UBOX5: variants seen among roughly 807,000 people sequenced by gnomAD.
UBOX5 encodes RING finger protein 37.
In UBOX5, 28 loss-of-function variants were observed where a neutral mutation model predicts 39.0. The observed-to-expected ratio is 0.72, with a 90% CI of 0.53 to 0.98. The LOEUF is 0.98. Ranked by LOEUF, UBOX5 falls within the 50% of genes least tolerant of loss-of-function variation. The pLI is 0.00. For synonymous variants in UBOX5, 283 were observed against 275.5 expected (o/e 1.03, Z -0.27); for missense variants, 585 against 674.4 (o/e 0.87, Z 1.47).
intron 1 of UBOX5, among the ~76,000 whole-genome samples, chr20:3,157,686 G>T (rs1366716109): frequency 2.0e-5 from 3 of 152,128 alleles, no homozygotes; most frequent in African/African-American, 7.2e-5. Flanking sequence ...ATCTAAATGG[G>T]GCTTCTAGAG....
chr20:3,146,933 T>C lies in UBOX5; in HGVS notation c.-42+12833A>G, dbSNP rs73573808. On this transcript the variant is annotated intron_variant, in intron 1 of 4. Transcript: ENST00000217173. ...CTTCATATTGTGCAGTCCAAGGAGA[T>C]CCCTGGAGCCATAGCAATACTGGTT... The C allele has an allele frequency of 9.3e-3, 14,997 of 1,614,092 alleles. 908 individuals carry two copies. The African/African-American group carries it at 0.15, about 16-fold the overall frequency.
At chr20:3,133,719 T>A (rs989412306) in intron 1 of UBOX5, among the ~76,000 whole-genome samples, 1 of 150,752 alleles carries the variant, frequency 6.6e-6, no homozygotes, top group African/African-American at 2.4e-5. Context: ...TCTCTCTTTT[T>A]GCCAAGGGGT....
intron 1 of UBOX5, among the ~76,000 whole-genome samples, chr20:3,155,194 G>C (rs1424192741): frequency 1.3e-5 from 2 of 152,086 alleles, no homozygotes; most frequent in African/African-American, 4.8e-5. Context: ...AGGAGTTCTA[G>C]ACCAGCCTGG....
intron 1 of UBOX5, chr20:3,147,072 C>A: frequency 6.2e-7 from 1 of 1,614,166 alleles, no homozygotes; most frequent in South Asian, 1.1e-5. Context: ...CAAAGGAAGC[C>A]CCCCAGAGGT....
At chr20:3,145,440 CCTTTTT>C (rs1346627650) in intron 1 of UBOX5, among the ~76,000 whole-genome samples, 2 of 142,378 alleles carry the variant, frequency 1.4e-5, no homozygotes, top group Non-Finnish European at 3.0e-5. Context: ...GCCTTTTTTT[CCTTTTT>C]TTTTTTTTTT....
chr20:3,133,760 G>GC (rs966576251), intron 1 of UBOX5, among the ~76,000 whole-genome samples: 1 of 150,566 alleles, frequency 6.6e-6, no homozygotes, highest in Non-Finnish European at 1.5e-5. Flanking sequence ...TTTTTTTGGG[G>GC]GGGGGAAACA....
intron 1 of UBOX5, among the ~76,000 whole-genome samples, chr20:3,158,966 C>G (rs531940852): frequency 6.6e-6 from 1 of 152,200 alleles, no homozygotes; most frequent in African/African-American, 2.4e-5. Context: ...ACAGTTGGTG[C>G]TAACGCAGCT....
intron 1 of UBOX5, among the ~76,000 whole-genome samples, chr20:3,144,836 G>C (rs1001909946): frequency 2.6e-5 from 4 of 152,144 alleles, no homozygotes; most frequent in Admixed American, 6.5e-5. Flanking sequence ...TGAGCTACTT[G>C]CTATGAAAAC....
At chr20:3,119,538 A>G (rs1364716098) in intron 3 of UBOX5, among the ~76,000 whole-genome samples, 1 of 152,188 alleles carries the variant, frequency 6.6e-6, no homozygotes, top group Admixed American at 6.5e-5. Context: ...TAGATAACCA[A>G]TACTTCTTTA....
intron 1 of UBOX5, among the ~76,000 whole-genome samples, chr20:3,137,776 T>C (rs1208984992): frequency 6.6e-6 from 1 of 152,224 alleles, no homozygotes; most frequent in East Asian, 1.9e-4. Flanking sequence ...AATTTCATGT[T>C]ATCCTTTAGA....
intron 3 of UBOX5, among the ~76,000 whole-genome samples, chr20:3,115,753 C>CTTTTTTTTTTTT (rs11481933): frequency 1.1e-5 from 1 of 87,938 alleles, no homozygotes; most frequent in African/African-American, 4.5e-5. Context: ...CTGCACGCTC[C>CTTTTTTTTTTTT]TTTTTTTTTT....
At chr20:3,114,344 T>C (rs925413396) in intron 4 of UBOX5, among the ~76,000 whole-genome samples, 3 of 151,622 alleles carry the variant, frequency 2.0e-5, no homozygotes, top group Admixed American at 6.6e-5. Context: ...CCACCGAAGA[T>C]AGGAGAAAAG....
intron 4 of UBOX5, among the ~76,000 whole-genome samples, chr20:3,110,888 G>A (rs2066248850): frequency 6.6e-6 from 1 of 151,888 alleles, no homozygotes; most frequent in East Asian, 1.9e-4. Context: ...GTGCACCAAG[G>A]TTGGGGAAGT....
intron 1 of UBOX5, among the ~76,000 whole-genome samples, chr20:3,127,270 G>T (rs546804311): frequency 6.6e-6 from 1 of 152,066 alleles, no homozygotes; most frequent in Non-Finnish European, 1.5e-5. Context: ...CAGGGATAGG[G>T]TCACCCTCTG....
At chr20:3,139,999 C>T (rs1273379739) in intron 1 of UBOX5, among the ~76,000 whole-genome samples, 1 of 148,920 alleles carries the variant, frequency 6.7e-6, no homozygotes, top group Admixed American at 6.7e-5. Flanking sequence ...TGAACCACCA[C>T]ACTCGGCCTT....
rs984368947 is a variant in UBOX5, at chr20:3,107,632, C to T, written c.*2474G>A. ...GGGACAGAAACAGAGCCCAGTGGTGCCTAGCATGTTTCTGGCAAGGGTAGT... is the reference window on the plus strand; with the variant it reads ...GGGACAGAAACAGAGCCCAGTGGTGTCTAGCATGTTTCTGGCAAGGGTAGT... On this transcript the variant is annotated 3_prime_UTR_variant, in exon 5 of 5. Coordinates refer to ENST00000217173, the MANE Select transcript of UBOX5 (RefSeq NM_014948.4). The surrounding 1 kb of genome is among the most constrained non-coding windows in gnomAD (Gnocchi z 5.0). The T allele has an allele frequency of 1.3e-5, 2 of 152,198 alleles. No individual in the cohort carries two copies. Among genetic ancestry groups the T allele is most frequent in the African/African-American group, 4.8e-5 (2 of 41,448 alleles). 9.4% of individuals were successfully genotyped at this position (152,198 alleles called of 1,614,324 possible). A position where few individuals can be genotyped will look rare whatever the true frequency, so the allele number is the denominator to read the frequency against.
chr20:3,114,566 G>C (rs2066278573), intron 4 of UBOX5, among the ~76,000 whole-genome samples: 3 of 152,082 alleles, frequency 2.0e-5, no homozygotes, highest in Admixed American at 1.3e-4. Flanking sequence ...TAATCTGAAG[G>C]GATGAGGACG....
At chr20:3,135,772 C>A (rs778045208) in intron 1 of UBOX5, among the ~76,000 whole-genome samples, 2 of 114,938 alleles carry the variant, frequency 1.7e-5, no homozygotes, top group Non-Finnish European at 3.4e-5. Context: ...TTATTTCTTA[C>A]TAAAGGTTGT....
intron 1 of UBOX5, among the ~76,000 whole-genome samples, chr20:3,140,405 A>T (rs1441229308): frequency 1.3e-5 from 2 of 152,072 alleles, no homozygotes; most frequent in Non-Finnish European, 2.9e-5. Context: ...ACTCAGTCTC[A>T]AAACAAGATC....
Sources: allele counts gnomAD v4.1 joint callset (sites outside exome capture counted in the v4.1 genomes callset), GRCh38; gene constraint gnomAD v4.1.1; non-coding constraint Gnocchi (gnomAD v3.1); transcripts MANE v1.5; gene names NCBI Gene and HGNC (gene_info 2026-07-23, HGNC 2026-07-21).